The following DNAAF9 variants were observed in gnomAD, a reference collection of about 807,000 sequenced individuals.
DNAAF9 encodes the protein shulin.
Under a neutral mutation model 167.0 loss-of-function variants are expected in DNAAF9, and 90 were observed. The ratio of observed to expected loss-of-function variants is 0.54; its 90% CI spans 0.45 to 0.64. The LOEUF (loss-of-function observed/expected upper bound fraction) is 0.64, where lower values mean the gene tolerates loss of function less well. Among genes scored for constraint, DNAAF9 ranks in the 30% least tolerant of loss-of-function variants. DNAAF9 has a pLI of 0.00. For missense variants in DNAAF9, 1,315 were observed against 1,442.2 expected, an observed-to-expected ratio of 0.91 and a Z score of 1.43; for synonymous variants, 491 against 508.8, an observed-to-expected ratio of 0.96 and a Z score of 0.47.
chr20:3,336,930 G>C (rs1033979444), intron 10 of DNAAF9, among the ~76,000 whole-genome samples: 1 of 148,086 alleles, frequency 6.8e-6, no homozygotes, highest in African/African-American at 2.5e-5. Flanking sequence ...GCCCAGGCTG[G>C]AGGCAGTGGC....
At chr20:3,311,017 T>C (rs969904289) in intron 20 of DNAAF9, among the ~76,000 whole-genome samples, 6 of 152,312 alleles carry the variant, frequency 3.9e-5, no homozygotes, top group African/African-American at 9.6e-5. Context: ...TGTGGGCTCA[T>C]ACTAAAATTC....
chr20:3,278,165 G>T (rs2068703702), intron 29 of DNAAF9, among the ~76,000 whole-genome samples: 1 of 152,180 alleles, frequency 6.6e-6, no homozygotes, highest in African/African-American at 2.4e-5. Context: ...CTGCAAGGTT[G>T]AATGCAACCT....
At chr20:3,325,039 G>A in intron 13 of DNAAF9, 71 bp from the exon 14 acceptor site, 1 of 863,602 alleles carries the variant, frequency 1.2e-6, no homozygotes, top group African/African-American at 1.6e-5. Context: ...TGATGGAAGG[G>A]CCCTCCTAAC....
intron 5 of DNAAF9, 42 bp downstream of exon 5, chr20:3,374,988 C>G: frequency 9.4e-7 from 1 of 1,060,106 alleles, no homozygotes; most frequent in Non-Finnish European, 1.5e-6. Flanking sequence ...ATTCACACAC[C>G]ACCTAAGCAA....
rs117120524 is a variant in DNAAF9, at chr20:3,325,397, A to G, written c.1189-429T>C. ...GCAAGAGTTACAAAAGATCAGTTAAAAAACAAAGATGTGAGAACTGATATT... is the reference window on the plus strand; with the variant it reads ...GCAAGAGTTACAAAAGATCAGTTAAGAAACAAAGATGTGAGAACTGATATT... On this transcript the variant is annotated intron_variant, in intron 13 of 36. Transcript: ENST00000252032. 3.8e-3 allele frequency among the ~76,000 whole-genome samples: 584 copies of G among 152,352 alleles called. 1 individual carries two copies. Among genetic ancestry groups the G allele is most frequent in the Middle Eastern group, 6.8e-3 (2 of 294 alleles).
intron 21 of DNAAF9, among the ~76,000 whole-genome samples, chr20:3,298,934 A>C (rs1257134798): frequency 1.7e-5 from 2 of 115,630 alleles, no homozygotes; most frequent in Admixed American, 1.1e-4. Flanking sequence ...TTTGAGATGG[A>C]GTCTCACTCT....
rs544962782 is a variant in DNAAF9, at chr20:3,261,303, C to A, written c.2874-1275G>T. Among the ~76,000 whole-genome samples the A allele has an allele frequency of 2.6e-5, 4 of 152,138 alleles. No homozygotes were observed. In the South Asian group the frequency reaches 8.3e-4, roughly 32 times the overall value. ...CCTCCCTCCACAGCCTCCCAAGGTG[C>A]TGGGATTATAGCCATGAGTCACTGT... On this transcript the variant is annotated intron_variant, in intron 31 of 36. Coordinates refer to ENST00000252032, the MANE Select transcript of DNAAF9 (RefSeq NM_001009984.3).
intron 34 of DNAAF9, among the ~76,000 whole-genome samples, chr20:3,255,533 G>T (rs901584530): frequency 6.6e-6 from 1 of 152,080 alleles, no homozygotes; most frequent in South Asian, 2.1e-4. Context: ...GGGAATGGTC[G>T]TGCCTCTTTG....
intron 7 of DNAAF9, among the ~76,000 whole-genome samples, chr20:3,353,464 T>TA (rs1037925690): frequency 6.6e-6 from 1 of 151,982 alleles, no homozygotes; most frequent in Non-Finnish European, 1.5e-5. Flanking sequence ...TGTCTCTATT[T>TA]AAAAAACACA....
At chr20:3,349,363 C>T (rs552615466) in intron 7 of DNAAF9, among the ~76,000 whole-genome samples, 105 of 152,096 alleles carry the variant, frequency 6.9e-4, no homozygotes, top group Admixed American at 4.3e-3. Context: ...GCCTGGGTGA[C>T]AGAACGAGAC....
At chr20:3,255,425 TGTCTA>T (rs1269140005) in intron 34 of DNAAF9, 141 bp from the exon 35 acceptor site, 2 of 604,426 alleles carry the variant, frequency 3.3e-6, no homozygotes, top group East Asian at 5.7e-5. Context: ...TATAATATTC[TGTCTA>T]GTCTGCTCTT....
At chr20:3,262,266 T>C (rs2068404118) in intron 31 of DNAAF9, among the ~76,000 whole-genome samples, 1 of 151,534 alleles carries the variant, frequency 6.6e-6, no homozygotes, top group African/African-American at 2.4e-5. Flanking sequence ...TTTTTTTTTT[T>C]TGACACGGAG....
chr20:3,278,949 T>A lies in DNAAF9; in HGVS notation c.2613A>T (p.Arg871Ser). Residue 871 changes from arginine (R) to serine (S), a missense_variant and splice_region_variant, in exon 29 of 37, where the codon AGA (arginine) becomes AGT (serine). Physicochemically the swap from Arg to Ser is moderately radical, Grantham distance 110. Transcript: ENST00000252032. ...GGTCAAGACATTTAGGAAAGAGAAA[T>A]CTAGGGGGAAAAAAGGGGGAAATAT... is the stretch of plus-strand genomic sequence containing the variant. ...VEPMSCYMEH[R>S]FLFPKCLDQC... 1.9e-6 allele frequency: 3 copies of A among 1,592,120 alleles called. No homozygotes were observed. Among genetic ancestry groups the A allele is most frequent in the Admixed American group, 1.7e-5 (1 of 58,748 alleles).
chr20:3,267,082 C>T (rs1210582782), intron 30 of DNAAF9, among the ~76,000 whole-genome samples: 1 of 150,520 alleles, frequency 6.6e-6, no homozygotes, highest in Non-Finnish European at 1.5e-5. Context: ...GAACTCCCGA[C>T]CTCAGGTGAT....
intron 9 of DNAAF9, among the ~76,000 whole-genome samples, chr20:3,340,969 T>G (rs6051763): frequency 0.2 from 29,682 of 152,122 alleles, 3,113 homozygotes; most frequent in African/African-American, 0.24. Flanking sequence ...TATTATAAAA[T>G]AGAATTTTAA....
chr20:3,291,723 A>C (rs1453044051), intron 25 of DNAAF9, among the ~76,000 whole-genome samples: 1 of 152,162 alleles, frequency 6.6e-6, no homozygotes, highest in Non-Finnish European at 1.5e-5. Context: ...TAAGCCTGGA[A>C]GCACTCATCA....
At chr20:3,377,468 C>CTT (rs111891802) in intron 3 of DNAAF9, among the ~76,000 whole-genome samples, 7 of 144,102 alleles carry the variant, frequency 4.9e-5, no homozygotes, top group East Asian at 2.0e-4. Context: ...TGTTTTCTTT[C>CTT]TTTTTTTTTT....
At chr20:3,363,492 CG>C (rs1308998191) in intron 6 of DNAAF9, among the ~76,000 whole-genome samples, 7 of 118,150 alleles carry the variant, frequency 5.9e-5, no homozygotes, top group Middle Eastern at 5.4e-3. Flanking sequence ...AAAATAAAAA[CG>C]AAAAAAAAGA....
intron 34 of DNAAF9, 55 bp from the exon 35 acceptor site, chr20:3,255,339 G>C: frequency 4.6e-6 from 5 of 1,082,762 alleles, no homozygotes; most frequent in East Asian, 2.6e-5. Flanking sequence ...GGAGTGCATG[G>C]GCAGGGGAGG....
Sources: allele counts gnomAD v4.1 joint callset (sites outside exome capture counted in the v4.1 genomes callset), GRCh38; gene constraint gnomAD v4.1.1; transcripts MANE v1.5; gene names NCBI Gene and HGNC (gene_info 2026-07-23, HGNC 2026-07-21).